LRCH1: variants seen among roughly 807,000 people sequenced by gnomAD.
The protein encoded by LRCH1 is leucine-rich repeat and calponin homology domain-containing protein 1.
Under a neutral mutation model 94.9 loss-of-function variants are expected in LRCH1, and 23 were observed. The ratio of observed to expected loss-of-function variants is 0.24; its 90% CI spans 0.17 to 0.34. The LOEUF is 0.34. Among genes scored for constraint, LRCH1 ranks in the 10% least tolerant of loss-of-function variants. The pLI is 1.00. For synonymous variants in LRCH1, 364 were observed against 354.9 expected (o/e 1.03, Z -0.29); for missense variants, 790 against 945.9 (o/e 0.84, Z 2.16).
At chr13:46,636,974 G>A (rs2138056389) in intron 1 of LRCH1, among the ~76,000 whole-genome samples, 1 of 152,218 alleles carries the variant, frequency 6.6e-6, no homozygotes, top group South Asian at 2.1e-4. Context: ...TTGTCCCGAG[G>A]CCCAGCTGTG....
chr13:46,699,408 G>A lies in LRCH1; in HGVS notation c.1313+5G>A, dbSNP rs1319013463. 2 of 1,613,152 alleles carry A rather than the reference G, an allele frequency of 1.2e-6. No individual in the cohort carries two copies. The highest frequency in any genetic ancestry group is 2.2e-5 in the South Asian group (2 of 91,070). On this transcript the variant is annotated splice_donor_5th_base_variant and intron_variant, in intron 10 of 19. Transcript: ENST00000389797. The stretch of plus-strand genomic sequence containing the variant: ...GCACTGGCAAACTGAGGGCATGTGA[G>A]TGCCGAGGCCTTGGTTACAAGCCAT...
intron 1 of LRCH1, among the ~76,000 whole-genome samples, chr13:46,578,638 A>T (rs2050330090): frequency 6.6e-6 from 1 of 152,164 alleles, no homozygotes; most frequent in Admixed American, 6.5e-5. Flanking sequence ...TAAAAATAAT[A>T]TGCTGGTCTT....
intron 7 of LRCH1, among the ~76,000 whole-genome samples, chr13:46,690,177 A>AG (rs1870825738): frequency 6.6e-6 from 1 of 152,166 alleles, no homozygotes; most frequent in African/African-American, 2.4e-5. Context: ...TATATTAAAA[A>AG]GTGGGATTCT....
intron 8 of LRCH1, among the ~76,000 whole-genome samples, chr13:46,693,733 C>G (rs1198754284): frequency 6.6e-6 from 1 of 152,186 alleles, no homozygotes; most frequent in Non-Finnish European, 1.5e-5. Flanking sequence ...TGGTTGGAAG[C>G]CCTCATTGGG....
intron 1 of LRCH1, among the ~76,000 whole-genome samples, chr13:46,561,614 T>A (rs987390784): frequency 6.6e-6 from 1 of 152,264 alleles, no homozygotes; most frequent in Non-Finnish European, 1.5e-5. Context: ...TCAATATTTC[T>A]GATCTGGTTC....
At chr13:46,704,912 A>G (rs1169088384) in intron 11 of LRCH1, among the ~76,000 whole-genome samples, 156 bp from the exon 12 acceptor site, 8 of 152,180 alleles carry the variant, frequency 5.3e-5, no homozygotes, top group African/African-American at 1.9e-4. Context: ...AATACCATGC[A>G]CTTTGAAATT....
At chr13:46,592,774 G>A (rs563635925) in intron 1 of LRCH1, among the ~76,000 whole-genome samples, 11 of 152,204 alleles carry the variant, frequency 7.2e-5, no homozygotes, top group African/African-American at 2.6e-4. Context: ...GTGATTCCTG[G>A]CTGCTTCTGG....
At chr13:46,560,154 T>TATATATATATA (rs1555267823) in intron 1 of LRCH1, among the ~76,000 whole-genome samples, 7 of 149,720 alleles carry the variant, frequency 4.7e-5, no homozygotes, top group Admixed American at 1.3e-4. Context: ...TATATAGACT[T>TATATATATATA]TTTATATTTC....
intron 1 of LRCH1, among the ~76,000 whole-genome samples, chr13:46,568,759 T>C (rs1438044337): frequency 2.0e-5 from 3 of 152,206 alleles, no homozygotes; most frequent in African/African-American, 2.4e-5. Context: ...AAACATTCTA[T>C]GTCTTAGAAT....
chr13:46,622,407 C>T (rs2050891440), intron 1 of LRCH1, among the ~76,000 whole-genome samples: 1 of 152,080 alleles, frequency 6.6e-6, no homozygotes, highest in Admixed American at 6.6e-5. Flanking sequence ...TGCATCTTTC[C>T]TAACAGGCAA....
chr13:46,553,424 C>A lies in LRCH1; in HGVS notation c.28C>A (p.Pro10Thr). 6.5e-7 allele frequency: 1 copy of A among 1,546,956 alleles called. No homozygotes were observed. The highest frequency in any genetic ancestry group is 8.7e-7 in the Non-Finnish European group (1 of 1,146,102). Residue 10 changes from proline (P) to threonine (T), a missense_variant, in exon 1 of 20, where the codon CCT becomes ACT. Pro to Thr is a conservative substitution (Grantham distance 38). Transcript: ENST00000389797. ...GGCGACGCCGGGAAGCGAACCCCAA[C>A]CTTTCGTCCCGGCCCTTTCGGTAGC... MATPGSEPQ[P>T]FVPALSVATL...
At chr13:46,715,725 C>G (rs963844475) in intron 16 of LRCH1, 61 bp downstream of exon 16, 69 of 963,262 alleles carry the variant, frequency 7.2e-5, no homozygotes, top group Non-Finnish European at 1.1e-4. Flanking sequence ...GTATACTGAA[C>G]ATTCATCTCT....
chr13:46,681,642 A>G, intron 3 of LRCH1, 99 bp from the exon 4 acceptor site: 5 of 783,380 alleles, frequency 6.4e-6, no homozygotes, highest in South Asian at 1.5e-5. Flanking sequence ...GTACCTGTGT[A>G]GTTGTCCAAA....
intron 2 of LRCH1, among the ~76,000 whole-genome samples, chr13:46,653,188 A>G (rs2051328183): frequency 6.6e-6 from 1 of 152,210 alleles, no homozygotes; most frequent in African/African-American, 2.4e-5. Flanking sequence ...TAACTCTTCA[A>G]ATATGGTTTA....
chr13:46,657,508 T>C (rs9595506), intron 2 of LRCH1, among the ~76,000 whole-genome samples: 1,044 of 32,690 alleles, frequency 0.032, 11 homozygotes, highest in African/African-American at 0.13. Flanking sequence ...TTCTTTTTTT[T>C]TTTTTTTTTT....
chr13:46,746,817 A>G (rs1460847344), downstream of LRCH1, among the ~76,000 whole-genome samples: 1 of 151,780 alleles, frequency 6.6e-6, no homozygotes. Flanking sequence ...GGATCCCCCC[A>G]CTCTGTGGGA....
At chr13:46,606,519 C>T (rs1566172246) in intron 1 of LRCH1, among the ~76,000 whole-genome samples, 1 of 152,254 alleles carries the variant, frequency 6.6e-6, no homozygotes, top group East Asian at 1.9e-4. Context: ...ACAGAGATGA[C>T]TGAATGATGA....
intron 17 of LRCH1, among the ~76,000 whole-genome samples, chr13:46,725,331 T>C (rs747027117): frequency 1.6e-4 from 24 of 152,220 alleles, no homozygotes; most frequent in Non-Finnish European, 3.5e-4. Context: ...AACCTGTACA[T>C]GTACCCCTGA....
In LRCH1 at chr13:46,742,126, G is replaced by A; in HGVS notation, c.*278G>A. 2.4e-6 allele frequency: 3 copies of A among 1,262,314 alleles called. No individual in the cohort carries two copies. The highest frequency in any genetic ancestry group is 3.0e-6 in the Non-Finnish European group (3 of 997,742). 78.2% of individuals were successfully genotyped at this position (1,262,314 alleles called of 1,614,324 possible). ...CCTCATCCACATAGTGCCAGCAGCAGTGCCACGCAGTTCCTCCTCTCCCTC... is the reference window on the plus strand; with the variant it reads ...CCTCATCCACATAGTGCCAGCAGCAATGCCACGCAGTTCCTCCTCTCCCTC... On this transcript the variant is annotated 3_prime_UTR_variant, in exon 20 of 20. Transcript: ENST00000389797.
Sources: allele counts gnomAD v4.1 joint callset (sites outside exome capture counted in the v4.1 genomes callset), GRCh38; gene constraint gnomAD v4.1.1; transcripts MANE v1.5; gene names NCBI Gene and HGNC (gene_info 2026-07-23, HGNC 2026-07-21).